ZNF248: variants seen among roughly 807,000 people sequenced by gnomAD.
ZNF248 encodes zinc finger protein 248, also known as KRAB protein domain.
A neutral mutation model predicts 44.3 loss-of-function variants in ZNF248; 20 were observed. That is an observed-to-expected ratio of 0.45 (90% CI 0.32 to 0.66). The LOEUF is 0.66. ZNF248 is among the 30% of genes least tolerant of loss of function. The pLI is 0.04. For missense variants in ZNF248, 654 were observed against 677.0 expected (o/e 0.97, Z 0.38); for synonymous variants, 224 against 229.0 (o/e 0.98, Z 0.20).
In ZNF248 at chr10:37,829,229, G is replaced by A; in HGVS notation, c.*2386C>T. 1 of 985,424 alleles carries A rather than the reference G, an allele frequency of 1.0e-6. No homozygotes were observed. Among genetic ancestry groups the A allele is most frequent in the Non-Finnish European group, 1.2e-6 (1 of 829,970 alleles). 61.0% of individuals were successfully genotyped at this position (985,424 alleles called of 1,614,324 possible). On this transcript the variant is annotated 3_prime_UTR_variant, in exon 6 of 6. Transcript: ENST00000395867. ...CTCCTTCATGACAGCAGTTCTTACT[G>A]GGCTCTGGTAACACTGTTTCCCTCC...
the ZNF248 span, among the ~76,000 whole-genome samples, chr10:37,767,633 A>G: frequency 6.6e-6 from 1 of 152,338 alleles, no homozygotes; most frequent in East Asian, 1.9e-4. Context: ...CGCACTAAAC[A>G]TGGAAAGGAA....
downstream of ZNF248, among the ~76,000 whole-genome samples, chr10:37,824,400 C>T (rs2054007489): frequency 6.6e-6 from 1 of 152,096 alleles, no homozygotes. Flanking sequence ...AGCATCTGGG[C>T]ACCCCATGAC....
intron 6 of ZNF248, among the ~76,000 whole-genome samples, chr10:37,777,944 A>T (rs1178436454): frequency 6.6e-6 from 1 of 151,972 alleles, no homozygotes; most frequent in Non-Finnish European, 1.5e-5. Flanking sequence ...ATTGTTGGAC[A>T]TTTGGGTTGG....
In ZNF248 at chr10:37,829,956, G is replaced by C. The variant is rs966833350; in HGVS notation, c.*1659C>G. On this transcript the variant is annotated 3_prime_UTR_variant, in exon 6 of 6. Transcript: ENST00000395867. Reference sequence around the variant, plus strand: ...AAAATATAAAATTTAGCTCAGCAAGGATGAAGTAGGGAATGGCCATCATGT... The same window carrying C: ...AAAATATAAAATTTAGCTCAGCAAGCATGAAGTAGGGAATGGCCATCATGT... The C allele has an allele frequency of 1.0e-6, 1 of 985,272 alleles. No individual in the cohort carries two copies. Among genetic ancestry groups the C allele is most frequent in the African/African-American group, 1.7e-5 (1 of 57,220 alleles). The allele number at this position is 985,272 out of a possible 1,614,324, so 61.0% of individuals were successfully genotyped here.
At chr10:37,841,324 A>G (rs2058304131) in intron 3 of ZNF248, among the ~76,000 whole-genome samples, 1 of 152,178 alleles carries the variant, frequency 6.6e-6, no homozygotes, top group Admixed American at 6.5e-5. Context: ...TTCTGAGGCA[A>G]TGACTAAAAG....
downstream of ZNF248, among the ~76,000 whole-genome samples, chr10:37,775,190 A>G (rs1265623278): frequency 6.6e-6 from 1 of 152,140 alleles, no homozygotes; most frequent in Non-Finnish European, 1.5e-5. Context: ...TATACACACT[A>G]AAACTATTAT....
Position 37,857,270 on chromosome 10 carries a change from T to G in ZNF248, c.-211A>C, listed in dbSNP as rs2061467190. 1 of 152,368 alleles carries G rather than the reference T, an allele frequency of 6.6e-6. No individual in the cohort carries two copies. Among genetic ancestry groups the G allele is most frequent in the Admixed American group, 6.5e-5 (1 of 15,274 alleles). 9.4% of individuals were successfully genotyped at this position (152,368 alleles called of 1,614,324 possible). A position where few individuals can be genotyped will look rare whatever the true frequency, so the allele number is the denominator to read the frequency against. ...GATACTGTGCCATGATTACACATAA[T>G]ACATAAGCGAACGCGAAACGTGTAA... On this transcript the variant is annotated 5_prime_UTR_variant, in exon 1 of 6. Coordinates refer to ENST00000395867, the MANE Select transcript of ZNF248 (RefSeq NM_021045.3).
chr10:37,806,091 T>C (rs2050514557), intron 6 of ZNF248, among the ~76,000 whole-genome samples: 1 of 152,252 alleles, frequency 6.6e-6, no homozygotes, highest in Non-Finnish European at 1.5e-5. Flanking sequence ...TACTACAATT[T>C]GTTTATCCAT....
At chr10:37,845,245 T>A (rs1202792838) in intron 3 of ZNF248, among the ~76,000 whole-genome samples, 1 of 151,934 alleles carries the variant, frequency 6.6e-6, no homozygotes, top group Non-Finnish European at 1.5e-5. Flanking sequence ...CTCGAACTCC[T>A]GGACTCAAGC....
At chr10:37,773,763 A>G (rs1431430410), downstream of ZNF248, among the ~76,000 whole-genome samples, 1 of 152,160 alleles carries the variant, frequency 6.6e-6, no homozygotes, top group East Asian at 1.9e-4. Context: ...AGACTGGATC[A>G]CAGCCCATGC....
chr10:37,787,829 T>G (rs2048063814), intron 6 of ZNF248, among the ~76,000 whole-genome samples: 1 of 152,012 alleles, frequency 6.6e-6, no homozygotes, highest in Admixed American at 6.6e-5. Flanking sequence ...ACAATTCATA[T>G]AAAAAAAGTA....
intron 6 of ZNF248, among the ~76,000 whole-genome samples, chr10:37,809,768 G>T (rs2051198761): frequency 6.6e-6 from 1 of 151,904 alleles, no homozygotes; most frequent in East Asian, 1.9e-4. Context: ...AATTTCCCTT[G>T]TGATTTTTTT....
intron 6 of ZNF248, chr10:37,795,984 A>G (rs79838926): frequency 6.6e-6 from 1 of 152,130 alleles, no homozygotes; most frequent in Non-Finnish European, 1.5e-5. Context: ...CATCTGGTGA[A>G]TTTTACGTTT....
downstream of ZNF248, among the ~76,000 whole-genome samples, chr10:37,772,396 T>TA (rs1461437774): frequency 2.6e-5 from 4 of 152,134 alleles, no homozygotes; most frequent in African/African-American, 9.7e-5. Context: ...ATATAATATA[T>TA]ATTGCCACCA....
chr10:37,790,008 T>A (rs2048310840), intron 6 of ZNF248, among the ~76,000 whole-genome samples: 1 of 150,844 alleles, frequency 6.6e-6, no homozygotes, highest in Admixed American at 6.6e-5. Flanking sequence ...ATGCCTGTAA[T>A]CCCAACACTT....
the ZNF248 span, among the ~76,000 whole-genome samples, chr10:37,766,131 C>T: frequency 5.3e-5 from 8 of 152,380 alleles, no homozygotes; most frequent in East Asian, 1.4e-3. Context: ...GGGTGGAGCC[C>T]ACCACAGCTC....
intron 6 of ZNF248, among the ~76,000 whole-genome samples, chr10:37,814,667 G>A (rs2133470260): frequency 6.6e-6 from 1 of 152,274 alleles, no homozygotes; most frequent in Non-Finnish European, 1.5e-5. Context: ...ATTGTTTGCT[G>A]ACAGATTTGT....
intron 6 of ZNF248, chr10:37,795,305 A>G (rs2133129827): frequency 6.6e-6 from 1 of 152,230 alleles, no homozygotes; most frequent in Non-Finnish European, 1.5e-5. Context: ...TCCCAAATGA[A>G]CCATATTCAA....
chr10:37,760,189 TG>T, the ZNF248 span, among the ~76,000 whole-genome samples: 1 of 152,074 alleles, frequency 6.6e-6, no homozygotes, highest in African/African-American at 2.4e-5. Context: ...CAAAAATATA[TG>T]GGGGGAATAA....
Sources: allele counts gnomAD v4.1 joint callset (sites outside exome capture counted in the v4.1 genomes callset), GRCh38; gene constraint gnomAD v4.1.1; transcripts MANE v1.5; gene names NCBI Gene and HGNC (gene_info 2026-07-23, HGNC 2026-07-21).